KSR2: variants seen among roughly 807,000 people sequenced by gnomAD.
KSR2 encodes kinase suppressor of ras 2.
KSR2 carries 25 observed loss-of-function variants against 107.8 expected under a neutral mutation model. The observed-to-expected ratio is 0.23, with a 90% CI of 0.17 to 0.32. The LOEUF is 0.32. Among genes scored for constraint, KSR2 ranks in the 10% least tolerant of loss-of-function variants. KSR2 has a pLI of 1.00. For missense variants in KSR2, 887 were observed against 1,268.9 expected (o/e 0.70, Z 4.57); for synonymous variants, 480 against 507.0 (o/e 0.95, Z 0.71).
At chr12:117,592,465 A>G (rs896987692) in intron 5 of KSR2, among the ~76,000 whole-genome samples, 4 of 152,242 alleles carry the variant, frequency 2.6e-5, no homozygotes, top group African/African-American at 7.2e-5. Flanking sequence ...GAGACCTGGC[A>G]GGTAACCATC....
chr12:117,918,134 C>A (rs1895235730), intron 1 of KSR2, among the ~76,000 whole-genome samples: 1 of 152,210 alleles, frequency 6.6e-6, no homozygotes, highest in Non-Finnish European at 1.5e-5. Flanking sequence ...CTGACCTGAC[C>A]TCCTTGACCT....
rs954704514 is a variant in KSR2, at chr12:117,811,526, C to G, written c.472+43902G>C. Among the ~76,000 whole-genome samples the G allele has an allele frequency of 3.9e-5, 6 of 152,332 alleles. No homozygotes were observed. The South Asian group carries it at 1.2e-3, about 32-fold the overall frequency. On this transcript the variant is annotated intron_variant, in intron 3 of 19. Transcript: ENST00000339824. ...GTTTTCACCAGCCCTCTAGGAGATT[C>G]TGATCCATGCTCAAGTTTGAGAAGA...
rs868864199 is a variant in KSR2, at chr12:117,937,807, A to C, written c.180+30269T>G. Among the ~76,000 whole-genome samples the C allele has an allele frequency of 6.3e-5, 9 of 143,962 alleles. No individual in the cohort carries two copies. In the South Asian group the frequency reaches 6.6e-4, roughly 11 times the overall value. The allele number at this position is 143,962 out of a possible 152,430, so 94.4% of individuals were successfully genotyped here. On this transcript the variant is annotated intron_variant, in intron 1 of 19. Transcript: ENST00000339824. ...AACCCCCATCTCTACTAAAAATACA[A>C]AAAAAAAAAAAAATTAGCCAGGCGT...
At chr12:117,789,738 T>A (rs2136969708) in intron 3 of KSR2, among the ~76,000 whole-genome samples, 1 of 152,234 alleles carries the variant, frequency 6.6e-6, no homozygotes, top group Admixed American at 6.5e-5. Flanking sequence ...CACCAATTCC[T>A]CCTATAAGCA....
intron 3 of KSR2, among the ~76,000 whole-genome samples, chr12:117,851,516 G>A (rs577085490): frequency 8.5e-5 from 13 of 152,238 alleles, no homozygotes; most frequent in African/African-American, 2.6e-4. Context: ...CCAGAAGGTC[G>A]AGGCTGCAGT....
intron 14 of KSR2, among the ~76,000 whole-genome samples, chr12:117,497,709 G>A (rs549366824): frequency 1.1e-4 from 16 of 152,328 alleles, no homozygotes; most frequent in African/African-American, 3.8e-4. Context: ...TCCTGGCTAC[G>A]TGATTTTTGG....
intron 14 of KSR2, among the ~76,000 whole-genome samples, chr12:117,495,415 C>T (rs1199929453): frequency 6.6e-6 from 1 of 152,130 alleles, no homozygotes; most frequent in Non-Finnish European, 1.5e-5. Context: ...TGGGACATGC[C>T]AGAAAGCAAG....
chr12:117,536,179 G>A (rs1478338103), intron 10 of KSR2, among the ~76,000 whole-genome samples: 1 of 152,166 alleles, frequency 6.6e-6, no homozygotes, highest in Non-Finnish European at 1.5e-5. Context: ...AATCAGTGCT[G>A]GGGACATTGT....
chr12:117,876,965 A>G (rs1049608350), intron 1 of KSR2, among the ~76,000 whole-genome samples: 2 of 152,138 alleles, frequency 1.3e-5, no homozygotes, highest in Non-Finnish European at 2.9e-5. Flanking sequence ...TACACCTTAT[A>G]CACATAACCT....
chr12:117,813,187 T>A (rs1116826), intron 3 of KSR2, among the ~76,000 whole-genome samples: 16,312 of 151,964 alleles, frequency 0.11, 1,290 homozygotes, highest in African/African-American at 0.22. Flanking sequence ...CTACTAGAAG[T>A]AAACATAGGC....
intron 3 of KSR2, among the ~76,000 whole-genome samples, chr12:117,818,001 T>C (rs892197545): frequency 6.6e-6 from 1 of 152,016 alleles, no homozygotes; most frequent in South Asian, 2.1e-4. Context: ...CTTGGGAGAC[T>C]GAGGCAGGAG....
intron 1 of KSR2, among the ~76,000 whole-genome samples, chr12:117,866,604 T>C (rs1371761725): frequency 6.6e-6 from 1 of 151,896 alleles, no homozygotes; most frequent in Admixed American, 6.6e-5. Context: ...CCGAGGCTGG[T>C]GGACCACCTG....
intron 1 of KSR2, among the ~76,000 whole-genome samples, chr12:117,891,962 T>C (rs1009231100): frequency 1.8e-5 from 2 of 110,382 alleles, no homozygotes; most frequent in African/African-American, 3.9e-5. Context: ...ATCATGCCAC[T>C]GCACTCCAGC....
intron 5 of KSR2, among the ~76,000 whole-genome samples, chr12:117,584,345 G>A (rs189462302): frequency 4.6e-5 from 7 of 152,256 alleles, no homozygotes; most frequent in Non-Finnish European, 7.4e-5. Context: ...TGTGGGAGGA[G>A]GGATTCCACC....
intron 3 of KSR2, among the ~76,000 whole-genome samples, chr12:117,849,662 A>G (rs1394850891): frequency 6.6e-6 from 1 of 152,240 alleles, no homozygotes; most frequent in Non-Finnish European, 1.5e-5. Context: ...ATTAGCATTA[A>G]CATCTCTAAA....
chr12:117,690,606 C>G (rs1162162141), intron 4 of KSR2, among the ~76,000 whole-genome samples: 2 of 152,182 alleles, frequency 1.3e-5, no homozygotes, highest in East Asian at 3.9e-4. Context: ...TAAAACCTCA[C>G]AGTCTTTCCC....
rs1023780741 is a variant in KSR2 at position 117,630,483 on chromosome 12, A to G, written c.1171+36991T>C. Among the ~76,000 whole-genome samples the G allele has an allele frequency of 4.6e-5, 7 of 152,308 alleles. No homozygotes were observed. The East Asian group carries it at 1.4e-3, about 29-fold the overall frequency. ...AAGCTGGAGATGTAGGCACTAGTGC[A>G]CACAGAGCCTAGTGTGCCAAGGACT... is the stretch of plus-strand genomic sequence containing the variant. On this transcript the variant is annotated intron_variant, in intron 5 of 19. Coordinates refer to ENST00000339824, the MANE Select transcript of KSR2 (RefSeq NM_173598.6).
chr12:117,582,186 G>C, intron 6 of KSR2, 104 bp downstream of exon 6: 1 of 907,262 alleles, frequency 1.1e-6, no homozygotes, highest in South Asian at 1.5e-5. Context: ...GTAGGTGCTG[G>C]AGCTCAATAG....
intron 4 of KSR2, among the ~76,000 whole-genome samples, chr12:117,748,804 C>G (rs1888507198): frequency 6.6e-6 from 1 of 152,052 alleles, no homozygotes; most frequent in Non-Finnish European, 1.5e-5. Context: ...AAAGCAGACC[C>G]TAAAGCAAGG....
Sources: gnomAD v4.1 joint callset for allele counts (sites outside exome capture counted in the v4.1 genomes callset) on GRCh38, gnomAD v4.1.1 for gene constraint, MANE v1.5 for transcripts, NCBI Gene and HGNC (gene_info 2026-07-23, HGNC 2026-07-21) for gene names.